GALNT13: variants seen among roughly 807,000 people sequenced by gnomAD.
GALNT13 encodes polypeptide N-acetylgalactosaminyltransferase 13, also known as UDP-GalNAc:polypeptide N-acetylgalactosaminyltransferase 13.
In GALNT13, 28 loss-of-function variants were observed where a neutral mutation model predicts 64.2. The observed-to-expected ratio is 0.44, with a 90% CI of 0.32 to 0.60. GALNT13 has a LOEUF of 0.60. GALNT13 is among the 20% of genes least tolerant of loss of function. The probability of loss-of-function intolerance (pLI) is 0.05; values close to 1 mark genes in which losing one functional copy is unlikely to be tolerated. For missense variants in GALNT13, 577 were observed against 669.8 expected (o/e 0.86, Z 1.53); for synonymous variants, 214 against 224.6 (o/e 0.95, Z 0.42).
At chr2:153,303,353 A>G in the GALNT13 span, among the ~76,000 whole-genome samples, 2 of 152,058 alleles carry the variant, frequency 1.3e-5, no homozygotes, top group Non-Finnish European at 2.9e-5. Context: ...TGGAAAGTTC[A>G]TTGTTAGTGT....
At chr2:154,281,324 A>G (rs1691950234) in intron 8 of GALNT13, among the ~76,000 whole-genome samples, 1 of 152,128 alleles carries the variant, frequency 6.6e-6, no homozygotes, top group Admixed American at 6.6e-5. Context: ...TACACAGAGA[A>G]CGGAAGATTT....
chr2:153,312,459 G>A, the GALNT13 span, among the ~76,000 whole-genome samples: 2 of 152,076 alleles, frequency 1.3e-5, no homozygotes, highest in Non-Finnish European at 2.9e-5. Flanking sequence ...TTTACAGAAG[G>A]GAAATGTGTT....
intron 7 of GALNT13, among the ~76,000 whole-genome samples, chr2:154,246,452 A>G (rs1689784346): frequency 6.6e-6 from 1 of 152,082 alleles, no homozygotes; most frequent in Admixed American, 6.5e-5. Flanking sequence ...ATGTATTCAA[A>G]ATTATGAAGG....
At chr2:153,972,593 A>G (rs868695351) in intron 3 of GALNT13, among the ~76,000 whole-genome samples, 13 of 152,100 alleles carry the variant, frequency 8.5e-5, no homozygotes, top group Non-Finnish European at 1.6e-4. Context: ...TCTAATGACA[A>G]AAATGCTACA....
chr2:154,351,855 T>C (rs1272548908), intron 9 of GALNT13, among the ~76,000 whole-genome samples: 1 of 152,102 alleles, frequency 6.6e-6, no homozygotes, highest in Non-Finnish European at 1.5e-5. Flanking sequence ...CAAGTAGTTT[T>C]ATATATGCAT....
the GALNT13 span, among the ~76,000 whole-genome samples, chr2:153,385,648 A>C: frequency 6.6e-6 from 1 of 152,058 alleles, no homozygotes; most frequent in East Asian, 1.9e-4. Context: ...GATTATAGTC[A>C]AAACAGAGTG....
the GALNT13 span, among the ~76,000 whole-genome samples, chr2:153,247,409 C>T: frequency 6.6e-6 from 1 of 152,112 alleles, no homozygotes; most frequent in Non-Finnish European, 1.5e-5. Context: ...TCAGCAAATG[C>T]AAAAGAATGG....
chr2:154,304,681 A>G (rs186850700), intron 9 of GALNT13, among the ~76,000 whole-genome samples: 121 of 152,382 alleles, frequency 7.9e-4, no homozygotes, highest in Admixed American at 2.1e-3. Flanking sequence ...AATGCCTGCT[A>G]TCTGGAACTA....
the GALNT13 span, among the ~76,000 whole-genome samples, chr2:153,205,264 G>A: frequency 7.1e-6 from 1 of 140,284 alleles, no homozygotes; most frequent in Non-Finnish European, 1.5e-5. Flanking sequence ...TTGATATCTT[G>A]GCAGTCTGCT....
chr2:154,432,927 T>C (rs1485726803), intron 11 of GALNT13, among the ~76,000 whole-genome samples: 1 of 152,104 alleles, frequency 6.6e-6, no homozygotes, highest in Non-Finnish European at 1.5e-5. Context: ...ATTACAAGAT[T>C]TTGCCTGGAG....
chr2:154,011,679 G>T (rs767074141), intron 3 of GALNT13, among the ~76,000 whole-genome samples: 8 of 152,048 alleles, frequency 5.3e-5, no homozygotes, highest in South Asian at 2.1e-4. Flanking sequence ...TGAAGTCTCT[G>T]ACTGTTATTG....
the GALNT13 span, among the ~76,000 whole-genome samples, chr2:153,137,924 A>G: frequency 6.6e-6 from 1 of 152,046 alleles, no homozygotes; most frequent in East Asian, 1.9e-4. Flanking sequence ...TGCCTCTTCA[A>G]CCAAACCTCC....
At chr2:153,522,024 G>A in the GALNT13 span, among the ~76,000 whole-genome samples, 38 of 152,084 alleles carry the variant, frequency 2.5e-4, no homozygotes, top group South Asian at 4.4e-3. Flanking sequence ...TTTTTTGTAT[G>A]AATATAAATT....
chr2:153,793,978 T>C, the GALNT13 span, among the ~76,000 whole-genome samples: 2 of 152,208 alleles, frequency 1.3e-5, no homozygotes, highest in Non-Finnish European at 2.9e-5. Flanking sequence ...TACAGTATGT[T>C]GTAACACCTC....
the GALNT13 span, among the ~76,000 whole-genome samples, chr2:153,749,141 G>A: frequency 2.0e-5 from 3 of 151,860 alleles, no homozygotes; most frequent in Non-Finnish European, 4.4e-5. Context: ...TTGACTGTAG[G>A]GTGTATGGAT....
At chr2:154,139,952 G>T (rs1683165744) in intron 3 of GALNT13, among the ~76,000 whole-genome samples, 1 of 151,950 alleles carries the variant, frequency 6.6e-6, no homozygotes, top group African/African-American at 2.4e-5. Context: ...ACATTTAATT[G>T]GATGTGAAAA....
At chr2:153,181,912 A>G in the GALNT13 span, among the ~76,000 whole-genome samples, 1 of 148,330 alleles carries the variant, frequency 6.7e-6, no homozygotes, top group Non-Finnish European at 1.5e-5. Context: ...ATAAATGATT[A>G]TATAAAGCAA....
At chr2:154,113,427 A>G (rs1703100359) in intron 3 of GALNT13, among the ~76,000 whole-genome samples, 2 of 152,240 alleles carry the variant, frequency 1.3e-5, no homozygotes, top group South Asian at 4.1e-4. Flanking sequence ...ACAAAGCCAA[A>G]TGACGAATGT....
chr2:153,622,930 A>G, the GALNT13 span, among the ~76,000 whole-genome samples: 3 of 152,120 alleles, frequency 2.0e-5, no homozygotes, highest in Non-Finnish European at 4.4e-5. Flanking sequence ...GTGAATTAAC[A>G]CATGATTGCA....
Sources: allele counts gnomAD v4.1 joint callset (sites outside exome capture counted in the v4.1 genomes callset), GRCh38; gene constraint gnomAD v4.1.1; transcripts MANE v1.5; gene names NCBI Gene and HGNC (gene_info 2026-07-23, HGNC 2026-07-21).